Variants in TFCP2 observed in about 807,000 individuals in gnomAD.
The protein encoded by TFCP2 is transcription factor CP2, also known as alpha-globin transcription factor CP2.
Under a neutral mutation model 73.4 loss-of-function variants are expected in TFCP2, and 33 were observed. The ratio of observed to expected loss-of-function variants is 0.45; its 90% CI spans 0.34 to 0.60. The LOEUF (loss-of-function observed/expected upper bound fraction) is 0.60. Ranked by LOEUF, TFCP2 falls within the 20% of genes least tolerant of loss-of-function variation. The probability of loss-of-function intolerance (pLI) is 0.01; values close to 1 mark genes in which losing one functional copy is unlikely to be tolerated. For synonymous variants in TFCP2, 193 were observed against 211.6 expected (o/e 0.91, Z 0.76); for missense variants, 352 against 604.0 (o/e 0.58, Z 4.37).
At chr12:51,162,300 G>A (rs1480927780) in intron 1 of TFCP2, among the ~76,000 whole-genome samples, 1 of 151,956 alleles carries the variant, frequency 6.6e-6, no homozygotes, top group Non-Finnish European at 1.5e-5. Context: ...ACAAAAATTC[G>A]CCAGGCGTGG....
intron 1 of TFCP2, among the ~76,000 whole-genome samples, chr12:51,167,603 G>A (rs1211646104): frequency 6.6e-6 from 1 of 152,036 alleles, no homozygotes; most frequent in Non-Finnish European, 1.5e-5. Context: ...ATGTTGGCCA[G>A]GCTGGTCTTG....
chr12:51,095,116 C>T lies in TFCP2; in HGVS notation c.*125G>A. The T allele has an allele frequency of 9.1e-7, 1 of 1,102,298 alleles. No homozygotes were observed. The allele number at this position is 1,102,298 out of a possible 1,614,324, so 68.3% of individuals were successfully genotyped here. ...GATTCTGCCTCCATGGCCTGGACTC[C>T]TCCACACACAGTCAGACGAGTCAGG... On this transcript the variant is annotated 3_prime_UTR_variant, in exon 15 of 15. Transcript: ENST00000257915.
chr12:51,117,678 A>G lies in TFCP2; in HGVS notation c.344T>C (p.Leu115Ser). ...LGELPEINGK[L>S]VKSIFRVVFH... ...ATGATTTATTCGTTTTACCTTCACC[A>G]ATTTGCCATTAATTTCTGGAAGTTC... Residue 115 changes from leucine (L) to serine (S), a missense_variant, in exon 3 of 15, where the codon TTG becomes TCG. Physicochemically the swap from Leu to Ser is moderately radical, Grantham distance 145. Transcript: ENST00000257915. The G allele has an allele frequency of 6.2e-7, 1 of 1,611,294 alleles. No homozygotes were observed. Among genetic ancestry groups the G allele is most frequent in the Non-Finnish European group, 8.5e-7 (1 of 1,178,020 alleles).
chr12:51,161,509 T>A (rs1012357466), intron 1 of TFCP2, among the ~76,000 whole-genome samples: 1 of 151,734 alleles, frequency 6.6e-6, no homozygotes, highest in African/African-American at 2.4e-5. Flanking sequence ...TGAAACCCCA[T>A]GTCTACTAAA....
At chr12:51,154,806 A>G (rs1941503540) in intron 1 of TFCP2, among the ~76,000 whole-genome samples, 1 of 152,204 alleles carries the variant, frequency 6.6e-6, no homozygotes, top group Admixed American at 6.5e-5. Flanking sequence ...TATCTCAGAA[A>G]GTGAAACCTA....
rs750946070 is a variant in TFCP2, at chr12:51,172,453, G to A, written c.-31C>T. Reference sequence around the variant, plus strand: ...CTCCTTCCTTGCCCCAGGAGACACCGTGTCTTGTACAAAGGCGCGGAGGGT... The same window carrying A: ...CTCCTTCCTTGCCCCAGGAGACACCATGTCTTGTACAAAGGCGCGGAGGGT... On this transcript the variant is annotated 5_prime_UTR_variant, in exon 1 of 15. It adds an upstream start codon to the 5' untranslated region. Coordinates refer to ENST00000257915, the MANE Select transcript of TFCP2 (RefSeq NM_005653.5). 1 of 1,613,208 alleles carries A rather than the reference G, an allele frequency of 6.2e-7. No homozygotes were observed. The highest frequency in any genetic ancestry group is 2.2e-5 in the East Asian group (1 of 44,862).
At position 51,110,922 on chromosome 12, in the gene TFCP2, C is replaced by T. The variant is rs1360271889; in HGVS notation, c.519G>A (p.Val173=). The change falls in exon 5 of 15, where the codon GTG becomes GTA. Residue 173 remains valine (V), a synonymous_variant. Transcript: ENST00000257915. ...PRANPTQLNT[V]EFLWDPAKRT... ...TCTTTGCAGGGTCCCACAGGAACTC[C>T]ACTGTATTTAGTTGAGTTGGATTAG... The T allele has an allele frequency of 6.2e-7, 1 of 1,614,052 alleles. No individual in the cohort carries two copies. The highest frequency in any genetic ancestry group is 8.5e-7 in the Non-Finnish European group (1 of 1,179,950).
chr12:51,120,253 T>A (rs558632641), intron 1 of TFCP2, among the ~76,000 whole-genome samples: 1 of 149,558 alleles, frequency 6.7e-6, no homozygotes, highest in Non-Finnish European at 1.5e-5. Context: ...TAAATGTTCA[T>A]GAGTAAGAGA....
chr12:51,096,087 C>A, intron 13 of TFCP2, 47 bp from the exon 14 acceptor site: 1 of 1,505,912 alleles, frequency 6.6e-7, no homozygotes, highest in Non-Finnish European at 9.2e-7. Context: ...AAAAACAACC[C>A]CTTTATATTC....
chr12:51,120,347 T>A (rs540177399), intron 1 of TFCP2, among the ~76,000 whole-genome samples: 2 of 152,038 alleles, frequency 1.3e-5, no homozygotes, highest in African/African-American at 4.8e-5. Flanking sequence ...CTCACAGATA[T>A]AATGCTCGAC....
rs762359814 is a variant in TFCP2, at chr12:51,095,309, C to G, written c.1472-31G>C. The G allele has an allele frequency of 2.5e-6, 4 of 1,607,416 alleles. No individual in the cohort carries two copies. In the Admixed American group the frequency reaches 5.0e-5, roughly 20 times the overall value. On this transcript the variant is annotated intron_variant, in intron 14 of 14. Transcript: ENST00000257915. ...AAAAAAAAGAGAGAGAGAGAATCAT[C>G]TTTAGTCACCTCTAAAACACAGCAG...
chr12:51,112,484 G>A (rs1454449081), intron 4 of TFCP2, among the ~76,000 whole-genome samples: 1 of 152,200 alleles, frequency 6.6e-6, no homozygotes, highest in Non-Finnish European at 1.5e-5. Flanking sequence ...AGCACATTAA[G>A]AGTATTGCTA....
chr12:51,097,740 G>A (rs1426061310), intron 13 of TFCP2, among the ~76,000 whole-genome samples: 1 of 152,090 alleles, frequency 6.6e-6, no homozygotes, highest in Non-Finnish European at 1.5e-5. Context: ...AAGATGGCCA[G>A]GCGTGGTGGT....
At chr12:51,157,935 C>A (rs1181565751) in intron 1 of TFCP2, among the ~76,000 whole-genome samples, 1 of 151,990 alleles carries the variant, frequency 6.6e-6, no homozygotes, top group Non-Finnish European at 1.5e-5. Flanking sequence ...ACTTTGAACT[C>A]CCAAAGTGCT....
At chr12:51,104,078 G>A in intron 9 of TFCP2, 77 bp downstream of exon 9, 1 of 1,397,792 alleles carries the variant, frequency 7.2e-7, no homozygotes, top group South Asian at 1.2e-5. Flanking sequence ...CTAAAAGTTG[G>A]GCATTTCTAC....
intron 1 of TFCP2, chr12:51,125,313 C>A: frequency 1.9e-6 from 1 of 532,016 alleles, no homozygotes. Context: ...GCTCTGTGCC[C>A]AACATCCACA....
intron 1 of TFCP2, among the ~76,000 whole-genome samples, chr12:51,126,102 G>A (rs1940810265): frequency 6.6e-6 from 1 of 151,888 alleles, no homozygotes; most frequent in East Asian, 1.9e-4. Flanking sequence ...GCGTGGTGTT[G>A]GGCGCCTGTA....
chr12:51,129,813 G>A (rs1940899023), intron 1 of TFCP2, among the ~76,000 whole-genome samples: 1 of 127,874 alleles, frequency 7.8e-6, no homozygotes, highest in South Asian at 2.8e-4. Flanking sequence ...TTTTTGGCAG[G>A]ATAAAAATGT....
chr12:51,127,327 C>T (rs2136997620), intron 1 of TFCP2, among the ~76,000 whole-genome samples: 1 of 152,112 alleles, frequency 6.6e-6, no homozygotes, highest in South Asian at 2.1e-4. Context: ...GATTGAGGTT[C>T]TCAAAAATGA....
Sources: gnomAD v4.1 joint callset for allele counts (sites outside exome capture counted in the v4.1 genomes callset) on GRCh38, gnomAD v4.1.1 for gene constraint, MANE v1.5 for transcripts, NCBI Gene and HGNC (gene_info 2026-07-23, HGNC 2026-07-21) for gene names.